MYPN: variants seen among roughly 807,000 people sequenced by gnomAD.
MYPN encodes sarcomeric protein myopalladin, 145 kDa (MYOP).
Under a neutral mutation model 129.4 loss-of-function variants are expected in MYPN, and 63 were observed. That is an observed-to-expected ratio of 0.49 (90% CI 0.40 to 0.60). MYPN has a LOEUF of 0.60. Ranked by LOEUF, MYPN falls within the 20% of genes least tolerant of loss-of-function variation. MYPN has a pLI of 0.00. For missense variants in MYPN, 1,596 were observed against 1,635.4 expected (o/e 0.98, Z 0.42); for synonymous variants, 629 against 600.9 (o/e 1.05, Z -0.68).
At chr10:68,202,610 A>G (rs891884942) in intron 18 of MYPN, among the ~76,000 whole-genome samples, 4 of 152,220 alleles carry the variant, frequency 2.6e-5, no homozygotes, top group Admixed American at 2.0e-4. Flanking sequence ...TTGTTTTTAA[A>G]GTAAGCTTAA....
At chr10:68,088,877 C>T (rs2041918381) in intron 1 of MYPN, among the ~76,000 whole-genome samples, 1 of 152,184 alleles carries the variant, frequency 6.6e-6, no homozygotes, top group African/African-American at 2.4e-5. Context: ...GTATCACCCC[C>T]TCATATCCAA....
chr10:68,132,335 A>G (rs2042424100), intron 2 of MYPN, among the ~76,000 whole-genome samples: 3 of 152,342 alleles, frequency 2.0e-5, no homozygotes, highest in Admixed American at 1.3e-4. Flanking sequence ...CTTTGGATAA[A>G]CACAATTTTG....
At chr10:68,094,848 G>T (rs916321255) in intron 1 of MYPN, among the ~76,000 whole-genome samples, 1 of 152,104 alleles carries the variant, frequency 6.6e-6, no homozygotes, top group African/African-American at 2.4e-5. Context: ...GATCACTTGA[G>T]GTCAGGAGTT....
intron 8 of MYPN, among the ~76,000 whole-genome samples, chr10:68,163,227 G>A (rs2043004724): frequency 2.0e-5 from 3 of 151,818 alleles, no homozygotes; most frequent in Admixed American, 2.0e-4. Flanking sequence ...CCTTGGAGGT[G>A]GAGGTTGCAG....
chr10:68,167,162 TC>T (rs2043068457), intron 10 of MYPN, among the ~76,000 whole-genome samples: 1 of 152,204 alleles, frequency 6.6e-6, no homozygotes, highest in African/African-American at 2.4e-5. Context: ...TAATTAATAA[TC>T]TACCTCCAAG....
chr10:68,165,325 G>T (rs906409516), intron 8 of MYPN, among the ~76,000 whole-genome samples: 4 of 152,182 alleles, frequency 2.6e-5, no homozygotes, highest in African/African-American at 7.2e-5. Flanking sequence ...GGTGGCACAT[G>T]CCTGTAGTCC....
At chr10:68,167,267 C>CT (rs1236263284) in intron 10 of MYPN, among the ~76,000 whole-genome samples, 1 of 152,142 alleles carries the variant, frequency 6.6e-6, no homozygotes, top group African/African-American at 2.4e-5. Context: ...CTCATAAAGA[C>CT]TTTTTTTGTG....
intron 3 of MYPN, 56 bp downstream of exon 3, chr10:68,143,171 T>G: frequency 6.5e-7 from 1 of 1,532,964 alleles, no homozygotes; most frequent in South Asian, 1.1e-5. Flanking sequence ...TTAGTTATAA[T>G]AAATAAATAT....
chr10:68,094,333 C>G (rs1209206555), intron 1 of MYPN, among the ~76,000 whole-genome samples: 2 of 151,570 alleles, frequency 1.3e-5, no homozygotes, highest in East Asian at 3.9e-4. Flanking sequence ...GGCGCTATCT[C>G]GGCTCACTGC....
intron 13 of MYPN, among the ~76,000 whole-genome samples, chr10:68,191,069 A>G (rs2043503266): frequency 6.6e-6 from 1 of 151,960 alleles, no homozygotes; most frequent in South Asian, 2.1e-4. Flanking sequence ...TGCGAGTACC[A>G]TGGTGTTTTG....
At chr10:68,190,560 G>C (rs1823281755) in intron 13 of MYPN, among the ~76,000 whole-genome samples, 1 of 152,140 alleles carries the variant, frequency 6.6e-6, no homozygotes, top group East Asian at 1.9e-4. Flanking sequence ...GAGTTGTTTG[G>C]GTTCCTTATA....
chr10:68,151,553 G>T (rs2042771168), intron 6 of MYPN, among the ~76,000 whole-genome samples: 1 of 152,246 alleles, frequency 6.6e-6, no homozygotes, highest in Non-Finnish European at 1.5e-5. Context: ...ACTTCTTATT[G>T]TCTCTTATCA....
intron 13 of MYPN, 38 bp downstream of exon 13, chr10:68,189,164 A>G (rs554731396): frequency 6.8e-7 from 1 of 1,460,558 alleles, no homozygotes; most frequent in East Asian, 2.3e-5. Context: ...ACCTCACAGC[A>G]TGAAGCTATA....
chr10:68,108,799 G>A (rs1311190474), upstream of MYPN, among the ~76,000 whole-genome samples: 5 of 151,850 alleles, frequency 3.3e-5, no homozygotes, highest in African/African-American at 7.3e-5. Flanking sequence ...TCGGCTCACC[G>A]CAACCTCTAC....
rs57611355 is a variant in MYPN at position 68,114,911 on chromosome 10, GA to G, written c.-2+5196del. Among the ~76,000 whole-genome samples the G allele has an allele frequency of 5.7e-3, 858 of 151,720 alleles. 7 individuals carry two copies. The highest frequency in any genetic ancestry group is 0.02 in the African/African-American group (814 of 41,388). ...TTACTCATTCTTATTTTGAAAGTGG[GA>G]AAAAAAATCTAATTTTCCATTTTGT... On this transcript the variant is annotated intron_variant, in intron 1 of 19. Transcript: ENST00000358913.
intron 2 of MYPN, 24 bp from the exon 3 acceptor site, chr10:68,142,916 A>G: frequency 4.3e-6 from 7 of 1,612,492 alleles, no homozygotes; most frequent in South Asian, 1.1e-5. Context: ...GTCATGTCCA[A>G]TGACCATATC....
Position 68,093,296 on chromosome 10 carries a change from T to C in MYPN, c.-2+5304T>C, listed in dbSNP as rs149630720. ...ATATTTGCTCTTAAGTATTCTAAAA[T>C]GGCTTAAAATTCTTGACAAAACCAT... On this transcript the variant is annotated intron_variant, in intron 1 of 6. Transcript: ENST00000685154. Among the ~76,000 whole-genome samples the C allele has an allele frequency of 8.3e-4, 127 of 152,212 alleles. 1 individual carries two copies. The highest frequency in any genetic ancestry group is 2.9e-3 in the African/African-American group (122 of 41,522).
chr10:68,195,549 T>C lies in MYPN; in HGVS notation c.3158+17T>C, dbSNP rs371934008. The stretch of plus-strand genomic sequence containing the variant: ...GTCTCACAGGTAAAGACAGTAAGAA[T>C]TCCCCCTCTCTAGGCCCTTCCCAAG... On this transcript the variant is annotated intron_variant, in intron 15 of 19. Coordinates refer to ENST00000358913, the MANE Select transcript of MYPN (RefSeq NM_032578.4). The C allele has an allele frequency of 2.5e-6, 4 of 1,608,412 alleles. No individual in the cohort carries two copies. The highest frequency in any genetic ancestry group is 4.5e-5 in the East Asian group (2 of 44,840).
intron 18 of MYPN, among the ~76,000 whole-genome samples, chr10:68,204,531 G>C (rs2043778435): frequency 6.6e-6 from 1 of 152,090 alleles, no homozygotes; most frequent in Admixed American, 6.5e-5. Flanking sequence ...AGACCAGCCT[G>C]GCCAACATGG....
Sources: gnomAD v4.1 joint callset for allele counts (sites outside exome capture counted in the v4.1 genomes callset) on GRCh38, gnomAD v4.1.1 for gene constraint, MANE v1.5 for transcripts, NCBI Gene and HGNC (gene_info 2026-07-23, HGNC 2026-07-21) for gene names.